LMBR1: variants seen among roughly 807,000 people sequenced by gnomAD.
LMBR1 encodes the protein limb region 1 protein homolog.
A neutral mutation model predicts 73.9 loss-of-function variants in LMBR1; 52 were observed. That is an observed-to-expected ratio of 0.70 (90% confidence interval 0.56 to 0.89). LMBR1 has a LOEUF of 0.89. Among genes scored for constraint, LMBR1 ranks in the 40% least tolerant of loss-of-function variants. The pLI is 0.00. For synonymous variants in LMBR1, 215 were observed against 209.4 expected (o/e 1.03, Z -0.23); for missense variants, 539 against 579.8 (o/e 0.93, Z 0.72).
At chr7:156,826,892 G>T (rs1396195749) in intron 3 of LMBR1, 148 bp from the exon 4 acceptor site, 2 of 697,004 alleles carry the variant, frequency 2.9e-6, no homozygotes, top group Non-Finnish European at 2.3e-6. Context: ...GGAGACAAAT[G>T]ATATACATAT....
rs1378763435 is a variant in LMBR1 at position 156,893,165 on chromosome 7, C to CA, written c.-173dup. 41 of 523,884 alleles carry CA rather than the reference C, an allele frequency of 7.8e-5. No individual in the cohort carries two copies. In the African/African-American group the frequency reaches 8.3e-4, roughly 11 times the overall value. 32.5% of individuals were successfully genotyped at this position (523,884 alleles called of 1,614,324 possible). A position where few individuals can be genotyped will look rare whatever the true frequency, so the allele number is the denominator to read the frequency against. On this transcript the variant is annotated 5_prime_UTR_variant, in exon 1 of 17. Transcript: ENST00000353442. Reference sequence around the variant, plus strand: ...ACACCGGCCGTCGCCTCAGCAGCCTCAGACGAGCAGCTCTGACTAAGGGAG... The same window carrying CA: ...ACACCGGCCGTCGCCTCAGCAGCCTCAAGACGAGCAGCTCTGACTAAGGGAG...
intron 5 of LMBR1, among the ~76,000 whole-genome samples, chr7:156,785,466 T>C (rs181511265): frequency 1.3e-5 from 2 of 152,238 alleles, no homozygotes; most frequent in East Asian, 3.9e-4. Flanking sequence ...AGGTAAACAC[T>C]AAGAATCCTG....
chr7:156,892,741 G>A (rs1357259427), intron 1 of LMBR1, among the ~76,000 whole-genome samples, 187 bp downstream of exon 1: 2 of 134,178 alleles, frequency 1.5e-5, no homozygotes, highest in Admixed American at 7.2e-5. Flanking sequence ...GAGGGGAGAG[G>A]AGAGGTGGGG....
intron 4 of LMBR1, chr7:156,823,645 G>A (rs1835151402): frequency 2.0e-5 from 3 of 152,082 alleles, no homozygotes; most frequent in South Asian, 4.1e-4. Flanking sequence ...TTAAAATGAC[G>A]AAATAGCCTT....
In LMBR1 at chr7:156,772,074, G is replaced by A. The variant is rs998431128; in HGVS notation, c.424-8279C>T. Among the ~76,000 whole-genome samples the A allele has an allele frequency of 4.6e-5, 7 of 152,144 alleles. No homozygotes were observed. In the East Asian group the frequency reaches 1.2e-3, roughly 25 times the overall value. ...GTGGATCATGAGGTCAGGGGTTCAA[G>A]ACCAGCCTGACCAACATGGTGAAAC... On this transcript the variant is annotated intron_variant, in intron 5 of 16. Coordinates refer to ENST00000353442, the MANE Select transcript of LMBR1 (RefSeq NM_022458.4).
intron 9 of LMBR1, among the ~76,000 whole-genome samples, chr7:156,755,186 T>C (rs1389346599): frequency 6.6e-6 from 1 of 152,256 alleles, no homozygotes; most frequent in Non-Finnish European, 1.5e-5. Context: ...CTTCATTTTA[T>C]AATACATTTA....
chr7:156,760,654 C>A (rs1308992783), intron 8 of LMBR1, among the ~76,000 whole-genome samples: 6 of 152,192 alleles, frequency 3.9e-5, no homozygotes, highest in African/African-American at 1.2e-4. Flanking sequence ...CAAGACTTGG[C>A]AGCATGTGTG....
chr7:156,691,093 T>G (rs1486677617), intron 15 of LMBR1, among the ~76,000 whole-genome samples: 2 of 152,202 alleles, frequency 1.3e-5, no homozygotes, highest in African/African-American at 4.8e-5. Flanking sequence ...TTTAAAATAC[T>G]ACTATTAGAA....
intron 4 of LMBR1, among the ~76,000 whole-genome samples, chr7:156,812,210 G>T (rs11763480): frequency 0.04 from 6,067 of 152,238 alleles, 172 homozygotes; most frequent in Non-Finnish European, 0.049. Flanking sequence ...CTTGGCAGGT[G>T]TAATTAAGGT....
In LMBR1 at chr7:156,862,803, T is replaced by C. The variant is rs532972948; in HGVS notation, c.67-25918A>G. Among the ~76,000 whole-genome samples the C allele has an allele frequency of 7.2e-5, 11 of 152,338 alleles. No individual in the cohort carries two copies. The South Asian group carries it at 2.3e-3, about 32-fold the overall frequency. ...CAAAAAGACTTAGTAATAGGGAATTTCTTCTGTCTGACAGCCTTCAAGCTG... is the reference window on the plus strand; with the variant it reads ...CAAAAAGACTTAGTAATAGGGAATTCCTTCTGTCTGACAGCCTTCAAGCTG... On this transcript the variant is annotated intron_variant, in intron 1 of 16. Coordinates refer to ENST00000353442, the MANE Select transcript of LMBR1 (RefSeq NM_022458.4).
intron 1 of LMBR1, 70 bp from the exon 2 acceptor site, chr7:156,836,955 C>A: frequency 2.1e-6 from 2 of 937,088 alleles, no homozygotes; most frequent in Non-Finnish European, 3.2e-6. Context: ...GAAGATATAT[C>A]TGTGATATTT....
intron 9 of LMBR1, among the ~76,000 whole-genome samples, chr7:156,744,114 C>T (rs1819402119): frequency 6.6e-6 from 1 of 152,042 alleles, no homozygotes; most frequent in Non-Finnish European, 1.5e-5. Flanking sequence ...TATATTACTG[C>T]CCAGGCTGGA....
At chr7:156,806,412 T>C (rs1162708983) in intron 4 of LMBR1, among the ~76,000 whole-genome samples, 1 of 152,008 alleles carries the variant, frequency 6.6e-6, no homozygotes. Flanking sequence ...GAAAATATCA[T>C]CTGTGAAATA....
intron 9 of LMBR1, among the ~76,000 whole-genome samples, chr7:156,741,058 G>C (rs1818805903): frequency 6.6e-6 from 1 of 151,326 alleles, no homozygotes; most frequent in Admixed American, 6.6e-5. Context: ...TTGCTTGTTT[G>C]TTTTTGCAAT....
intron 15 of LMBR1, among the ~76,000 whole-genome samples, chr7:156,708,519 T>C (rs997613185): frequency 6.6e-6 from 1 of 152,120 alleles, no homozygotes; most frequent in Admixed American, 6.5e-5. Context: ...AGGGAAGCCA[T>C]CCCTGACTAT....
chr7:156,684,292 T>A (rs1805556745), intron 16 of LMBR1, 129 bp from the exon 17 acceptor site: 1 of 718,120 alleles, frequency 1.4e-6, no homozygotes, highest in East Asian at 2.6e-5. Flanking sequence ...GCTGGCCAGA[T>A]CCCCTTGAGG....
intron 4 of LMBR1, among the ~76,000 whole-genome samples, chr7:156,800,381 G>C (rs758890743): frequency 1.4e-5 from 2 of 146,466 alleles, no homozygotes; most frequent in Non-Finnish European, 3.0e-5. Context: ...CATTCTGCCT[G>C]TGGTCTATAA....
intron 15 of LMBR1, among the ~76,000 whole-genome samples, chr7:156,703,512 C>T (rs950423807): frequency 2.6e-5 from 4 of 152,088 alleles, no homozygotes; most frequent in East Asian, 1.9e-4. Context: ...CTGCCACAGT[C>T]GGAACAAGGG....
In LMBR1 at chr7:156,670,818, C is replaced by T. The variant is rs916622958; in HGVS notation, n.867-1531G>A. ...AAAAAGTGTGCCACTAGAACGTCTT[C>T]GTTAAAGGAAATTCTAAAGGATGCC... On this transcript the variant is annotated intron_variant and non_coding_transcript_variant, in intron 4 of 4. Transcript: ENST00000430825. This position sits in a 1 kb window ranked among gnomAD's most constrained non-coding sequence, Gnocchi z 4.3. Among the ~76,000 whole-genome samples the T allele has an allele frequency of 2.6e-5, 4 of 152,180 alleles. No homozygotes were observed. The highest frequency in any genetic ancestry group is 7.2e-5 in the African/African-American group (3 of 41,438).
Sources: gnomAD v4.1 joint callset for allele counts (sites outside exome capture counted in the v4.1 genomes callset) on GRCh38, gnomAD v4.1.1 for gene constraint, Gnocchi (gnomAD v3.1) non-coding constraint, MANE v1.5 for transcripts, NCBI Gene and HGNC (gene_info 2026-07-23, HGNC 2026-07-21) for gene names.